RBFOX1: variants seen among roughly 807,000 people sequenced by gnomAD.
RBFOX1 encodes RNA binding protein fox-1 homolog 1.
A neutral mutation model predicts 57.7 loss-of-function variants in RBFOX1; 8 were observed. The observed-to-expected ratio is 0.14, with a 90% CI of 0.08 to 0.25. The LOEUF (loss-of-function observed/expected upper bound fraction) is 0.25. Ranked by LOEUF, RBFOX1 falls within the 10% of genes least tolerant of loss-of-function variation. The pLI, the probability that RBFOX1 is intolerant of heterozygous loss-of-function variation, is 1.00. For synonymous variants in RBFOX1, 326 were observed against 222.4 expected (o/e 1.47, Z -4.15); for missense variants, 611 against 548.5 (o/e 1.11, Z -1.14).
At chr16:7,293,686 G>A (rs1040574287) in intron 4 of RBFOX1, among the ~76,000 whole-genome samples, 1 of 152,154 alleles carries the variant, frequency 6.6e-6, no homozygotes, top group African/African-American at 2.4e-5. Flanking sequence ...GTTTGCCGAG[G>A]TGAGATTTTT....
chr16:5,374,043 G>C lies in RBFOX1; in HGVS notation c.220-93173G>C, dbSNP rs140395115. ...AGCGATTCTCCTGCCTCACCCTCCT[G>C]AGTAGCTGCGATTACAGGCACCTGC... is the stretch of plus-strand genomic sequence containing the variant. On this transcript the variant is annotated intron_variant, in intron 1 of 2. Coordinates refer to the RBFOX1 transcript ENST00000585867. 6.6e-5 allele frequency among the ~76,000 whole-genome samples: 10 copies of C among 152,308 alleles called. No individual in the cohort carries two copies. The East Asian group carries it at 1.9e-3, about 29-fold the overall frequency.
chr16:7,668,902 T>C (rs1300578599), intron 13 of RBFOX1, among the ~76,000 whole-genome samples: 1 of 152,158 alleles, frequency 6.6e-6, no homozygotes. Context: ...TACTTGGAAG[T>C]GAAGCTATAG....
intron 4 of RBFOX1, among the ~76,000 whole-genome samples, chr16:7,368,396 C>G (rs546067376): frequency 8.5e-5 from 13 of 152,064 alleles, no homozygotes; most frequent in Non-Finnish European, 1.5e-4. Flanking sequence ...TTACGTATTA[C>G]CAGAAAACCA....
intron 1 of RBFOX1, among the ~76,000 whole-genome samples, chr16:6,080,995 G>T (rs1250108470): frequency 2.0e-5 from 3 of 152,176 alleles, no homozygotes; most frequent in Non-Finnish European, 2.9e-5. Context: ...GTTTGTCATG[G>T]CTTGAAGCCT....
At chr16:6,755,486 C>T (rs900143652) in intron 3 of RBFOX1, among the ~76,000 whole-genome samples, 2 of 152,078 alleles carry the variant, frequency 1.3e-5, no homozygotes, top group African/African-American at 4.8e-5. Flanking sequence ...TGTTTTTTGG[C>T]TGCATAAATG....
rs145481227 is a variant in RBFOX1, at chr16:5,471,168, G to A, written c.258+3914G>A. 3.4e-3 allele frequency among the ~76,000 whole-genome samples: 518 copies of A among 150,806 alleles called. 1 individual carries two copies. Among genetic ancestry groups the A allele is most frequent in the African/African-American group, 0.012 (500 of 40,940 alleles). On this transcript the variant is annotated intron_variant, in intron 2 of 2. Coordinates refer to the RBFOX1 transcript ENST00000585867. ...ACTTTTAAAAACTCATTACAGTCTC[G>A]GCTTTCCCAGATCCACACAGCCCCC... is the stretch of plus-strand genomic sequence containing the variant.
chr16:7,075,525 A>G (rs936087964), intron 4 of RBFOX1, among the ~76,000 whole-genome samples: 10 of 152,350 alleles, frequency 6.6e-5, no homozygotes, highest in South Asian at 2.1e-4. Flanking sequence ...GTATTAAAAA[A>G]TAAAAGCCCA....
chr16:7,704,832 C>G (rs1568577098), intron 14 of RBFOX1, among the ~76,000 whole-genome samples: 1 of 151,958 alleles, frequency 6.6e-6, no homozygotes, highest in Non-Finnish European at 1.5e-5. Context: ...AGGCAGATCA[C>G]TTGAGGTTAT....
intron 2 of RBFOX1, among the ~76,000 whole-genome samples, chr16:6,580,189 C>G (rs1249086631): frequency 6.6e-6 from 1 of 152,154 alleles, no homozygotes; most frequent in African/African-American, 2.4e-5. Context: ...GAACTCCTGA[C>G]CTCATAATCT....
intron 3 of RBFOX1, among the ~76,000 whole-genome samples, chr16:6,999,861 C>A (rs532515731): frequency 2.0e-5 from 3 of 151,926 alleles, no homozygotes; most frequent in Non-Finnish European, 2.9e-5. Context: ...CACTTGAGGT[C>A]AGGAGTTTGA....
At chr16:6,563,852 G>C (rs952073685) in intron 2 of RBFOX1, among the ~76,000 whole-genome samples, 1 of 151,854 alleles carries the variant, frequency 6.6e-6, no homozygotes, top group Non-Finnish European at 1.5e-5. Flanking sequence ...ATATATGTGT[G>C]TGTGTGTGTG....
Position 6,270,370 on chromosome 16 carries a change from A to G in RBFOX1, c.-126-46625A>G, listed in dbSNP as rs1469765859. On this transcript the variant is annotated intron_variant, in intron 1 of 15. Coordinates refer to ENST00000550418, the MANE Select transcript of RBFOX1 (RefSeq NM_018723.4). ...AATTTAATAGTATAGGTAGACTGAAAGTAAAAGGATGGAAAAAAGATAGAG... is the reference window on the plus strand; with the variant it reads ...AATTTAATAGTATAGGTAGACTGAAGGTAAAAGGATGGAAAAAAGATAGAG... 2.6e-5 allele frequency among the ~76,000 whole-genome samples: 4 copies of G among 152,030 alleles called. No individual in the cohort carries two copies. In the East Asian group the frequency reaches 7.7e-4, roughly 29 times the overall value.
intron 3 of RBFOX1, among the ~76,000 whole-genome samples, chr16:5,820,351 T>C (rs2055800205): frequency 1.3e-5 from 2 of 152,238 alleles, no homozygotes; most frequent in Non-Finnish European, 2.9e-5. Flanking sequence ...TTTATATAAA[T>C]CCTGCAAGGG....
At chr16:7,033,285 C>T (rs1030784431) in intron 3 of RBFOX1, among the ~76,000 whole-genome samples, 1 of 151,886 alleles carries the variant, frequency 6.6e-6, no homozygotes, top group African/African-American at 2.4e-5. Flanking sequence ...TTTGGGAGGC[C>T]GAGGCGGGCA....
chr16:6,421,514 C>T (rs568528769), intron 2 of RBFOX1, among the ~76,000 whole-genome samples: 1 of 152,312 alleles, frequency 6.6e-6, no homozygotes, highest in South Asian at 2.1e-4. Context: ...TACTTTTTAA[C>T]AAGATTTTCA....
At chr16:5,652,936 CA>C (rs2049287658) in intron 3 of RBFOX1, among the ~76,000 whole-genome samples, 1 of 152,252 alleles carries the variant, frequency 6.6e-6, no homozygotes. Flanking sequence ...TTTCTCATAT[CA>C]GGGGTGACTG....
At chr16:7,437,728 TGAG>T (rs1252856549) in intron 4 of RBFOX1, among the ~76,000 whole-genome samples, 1 of 152,198 alleles carries the variant, frequency 6.6e-6, no homozygotes, top group East Asian at 1.9e-4. Flanking sequence ...CCTGCAGCTC[TGAG>T]AAGCATCTTT....
intron 1 of RBFOX1, among the ~76,000 whole-genome samples, chr16:5,423,239 A>G (rs1249466581): frequency 2.0e-5 from 3 of 152,062 alleles, no homozygotes; most frequent in African/African-American, 4.8e-5. Context: ...ATCTTGTACA[A>G]CTATAGCCCA....
intron 14 of RBFOX1, among the ~76,000 whole-genome samples, chr16:7,685,588 CTG>C (rs2075893580): frequency 6.6e-6 from 1 of 152,028 alleles, no homozygotes; most frequent in Non-Finnish European, 1.5e-5. Flanking sequence ...ACATTATAAA[CTG>C]AAAGAGGTGG....
Sources: gnomAD v4.1 joint callset for allele counts (sites outside exome capture counted in the v4.1 genomes callset) on GRCh38, gnomAD v4.1.1 for gene constraint, MANE v1.5 for transcripts, NCBI Gene and HGNC (gene_info 2026-07-23, HGNC 2026-07-21) for gene names.